Variants in DAB1 observed in about 807,000 individuals in gnomAD.
DAB1 encodes the protein disabled homolog 1.
A neutral mutation model predicts 64.6 loss-of-function variants in DAB1; 15 were observed. That is an observed-to-expected ratio of 0.23 (90% CI 0.16 to 0.36). The LOEUF (loss-of-function observed/expected upper bound fraction) is 0.36, where lower values mean the gene tolerates loss of function less well. DAB1 is among the 10% of genes least tolerant of loss of function. The probability of loss-of-function intolerance (pLI) is 1.00; values close to 1 mark genes in which losing one functional copy is unlikely to be tolerated. For synonymous variants in DAB1, 235 were observed against 251.9 expected, an observed-to-expected ratio of 0.93 and a Z score of 0.64; for missense variants, 596 against 706.7, an observed-to-expected ratio of 0.84 and a Z score of 1.78.
At chr1:57,833,413 T>C (rs565697554) in intron 1 of DAB1, among the ~76,000 whole-genome samples, 37 of 152,296 alleles carry the variant, frequency 2.4e-4, no homozygotes, top group East Asian at 1.4e-3. Flanking sequence ...ATCTTCCCTA[T>C]AAAAAAGAAA....
At chr1:57,779,235 TA>T (rs1649955630) in intron 6 of DAB1, among the ~76,000 whole-genome samples, 2 of 152,014 alleles carry the variant, frequency 1.3e-5, no homozygotes, top group Admixed American at 6.6e-5. Flanking sequence ...ATCAAGAATA[TA>T]AAGAGACAGC....
chr1:58,373,429 T>A, intron 3 of DAB1, among the ~76,000 whole-genome samples: 1 of 149,926 alleles, frequency 6.7e-6, no homozygotes. Flanking sequence ...GGTGTTTGGT[T>A]TTTTGTTCTT....
chr1:58,521,465 T>C (rs1395614213), intron 2 of DAB1, among the ~76,000 whole-genome samples: 1 of 151,204 alleles, frequency 6.6e-6, no homozygotes, highest in East Asian at 1.9e-4. Context: ...AAAACAATTA[T>C]ATAATAGAGA....
At position 58,498,873 on chromosome 1, in the gene DAB1, G is replaced by C. The variant is rs117130897; in HGVS notation, n.257+7187C>G. Among the ~76,000 whole-genome samples, 78 of 152,172 alleles carry C rather than the reference G, an allele frequency of 5.1e-4. No individual in the cohort carries two copies. In the East Asian group the frequency reaches 0.014, roughly 28 times the overall value. ...GGAAATTGGATTCTGACTAGTTTTT[G>C]AAGTGTTCTAAAGTAAATAAGTATA... On this transcript the variant is annotated intron_variant and non_coding_transcript_variant, in intron 3 of 20. Coordinates refer to the DAB1 transcript ENST00000485760.
intron 6 of DAB1, among the ~76,000 whole-genome samples, chr1:57,738,543 G>A (rs1194694295): frequency 2.0e-5 from 3 of 151,838 alleles, no homozygotes; most frequent in African/African-American, 7.3e-5. Context: ...ATTTCTTGTT[G>A]TGTAATATAT....
Position 57,070,936 on chromosome 1 carries a change from G to A in DAB1, c.597+87C>T, listed in dbSNP as rs544090295. The stretch of plus-strand genomic sequence containing the variant: ...GGTCTCTCTCCAGGTTTTGCAGTCA[G>A]TGGATTCTTCAGGTTTCTGACAAAA... On this transcript the variant is annotated intron_variant, in intron 7 of 14. Transcript: ENST00000371236. 2.1e-5 allele frequency: 25 copies of A among 1,186,746 alleles called. No homozygotes were observed. In the South Asian group the frequency reaches 2.7e-4, roughly 13 times the overall value. 73.5% of individuals were successfully genotyped at this position (1,186,746 alleles called of 1,614,324 possible). A position where few individuals can be genotyped will look rare whatever the true frequency, so the allele number is the denominator to read the frequency against.
chr1:58,416,539 G>A (rs1217320570), intron 3 of DAB1, among the ~76,000 whole-genome samples: 1 of 152,058 alleles, frequency 6.6e-6, no homozygotes, highest in Non-Finnish European at 1.5e-5. Context: ...CTTGAAATGT[G>A]GCTAGTGCAA....
At chr1:57,513,272 G>A (rs920799512) in intron 7 of DAB1, among the ~76,000 whole-genome samples, 8 of 151,718 alleles carry the variant, frequency 5.3e-5, no homozygotes, top group African/African-American at 1.9e-4. Context: ...GCTGCCTCTT[G>A]CCTGACAAGC....
At chr1:57,271,163 T>C (rs1670965739) in intron 2 of DAB1, among the ~76,000 whole-genome samples, 1 of 152,190 alleles carries the variant, frequency 6.6e-6, no homozygotes, top group Admixed American at 6.5e-5. Context: ...GCTCAGCTCA[T>C]TAAGTCCCCC....
At chr1:58,275,825 T>A (rs1661430782) in intron 4 of DAB1, among the ~76,000 whole-genome samples, 2 of 152,228 alleles carry the variant, frequency 1.3e-5, no homozygotes, top group South Asian at 4.1e-4. Flanking sequence ...CTTCTGGATA[T>A]ATATCCAAAA....
intron 4 of DAB1, among the ~76,000 whole-genome samples, chr1:58,301,795 G>T (rs1662176729): frequency 6.6e-6 from 1 of 152,048 alleles, no homozygotes; most frequent in East Asian, 1.9e-4. Flanking sequence ...TGTAACTTTG[G>T]ACAAAAACGG....
chr1:57,482,451 G>A (rs1644033669), intron 7 of DAB1, among the ~76,000 whole-genome samples: 1 of 102,462 alleles, frequency 9.8e-6, no homozygotes, highest in African/African-American at 3.8e-5. Context: ...AAAAATAATT[G>A]ACCCCAGTTT....
At chr1:57,717,319 A>C (rs1647096358) in intron 6 of DAB1, among the ~76,000 whole-genome samples, 1 of 152,110 alleles carries the variant, frequency 6.6e-6, no homozygotes, top group Admixed American at 6.6e-5. Flanking sequence ...TACATGAAAA[A>C]AATGATCAAA....
At chr1:57,320,047 T>G (rs1444515778) in intron 1 of DAB1, among the ~76,000 whole-genome samples, 1 of 152,180 alleles carries the variant, frequency 6.6e-6, no homozygotes, top group African/African-American at 2.4e-5. Flanking sequence ...CCCTCTGGGT[T>G]TCTGTTATAT....
intron 3 of DAB1, among the ~76,000 whole-genome samples, chr1:58,435,435 T>C (rs1242391883): frequency 5.3e-5 from 8 of 152,320 alleles, no homozygotes; most frequent in African/African-American, 1.9e-4. Flanking sequence ...GCATTATAGC[T>C]GTTTCCCACA....
chr1:57,113,240 A>G (rs887781053), intron 4 of DAB1, among the ~76,000 whole-genome samples: 2 of 152,216 alleles, frequency 1.3e-5, no homozygotes, highest in African/African-American at 4.8e-5. Flanking sequence ...AAAATTGGCC[A>G]TTATTGTTAC....
chr1:58,499,801 AT>A (rs1645876845), intron 3 of DAB1, among the ~76,000 whole-genome samples: 1 of 152,032 alleles, frequency 6.6e-6, no homozygotes, highest in Admixed American at 6.6e-5. Context: ...TAAATAAAAA[AT>A]AAACACTTGT....
At chr1:57,176,144 T>C (rs1304406942) in intron 2 of DAB1, among the ~76,000 whole-genome samples, 1 of 152,186 alleles carries the variant, frequency 6.6e-6, no homozygotes, top group African/African-American at 2.4e-5. Flanking sequence ...CTTCCCTCAG[T>C]GGTCCTTTAT....
intron 4 of DAB1, among the ~76,000 whole-genome samples, chr1:58,324,820 G>A (rs79522759): frequency 0.01 from 1,558 of 152,254 alleles, 34 homozygotes; most frequent in African/African-American, 0.036. Flanking sequence ...AGTCTCATCA[G>A]AATATATCCC....
Sources: allele counts gnomAD v4.1 joint callset (sites outside exome capture counted in the v4.1 genomes callset), GRCh38; gene constraint gnomAD v4.1.1; transcripts MANE v1.5; gene names NCBI Gene and HGNC (gene_info 2026-07-23, HGNC 2026-07-21).